Variants in ASIC2 observed in about 807,000 individuals in gnomAD.
ASIC2 encodes acid-sensing ion channel 2.
ASIC2 carries 25 observed loss-of-function variants against 57.3 expected under a neutral mutation model. That is an observed-to-expected ratio of 0.44 (90% CI 0.32 to 0.61). The LOEUF (loss-of-function observed/expected upper bound fraction) is 0.61, where lower values mean the gene tolerates loss of function less well. Ranked by LOEUF, ASIC2 falls within the 20% of genes least tolerant of loss-of-function variation. The pLI, the probability that ASIC2 is intolerant of heterozygous loss-of-function variation, is 0.06. For missense variants in ASIC2, 641 were observed against 738.1 expected (o/e 0.87, Z 1.52); for synonymous variants, 319 against 307.5 (o/e 1.04, Z -0.39).
chr17:33,145,579 C>A (rs1043368877), intron 1 of ASIC2, among the ~76,000 whole-genome samples: 2 of 152,194 alleles, frequency 1.3e-5, no homozygotes, highest in African/African-American at 2.4e-5. Flanking sequence ...ATATTTCCAA[C>A]ATTAAATAGC....
At chr17:33,378,669 G>A (rs1223557747) in intron 1 of ASIC2, among the ~76,000 whole-genome samples, 1 of 152,270 alleles carries the variant, frequency 6.6e-6, no homozygotes, top group Non-Finnish European at 1.5e-5. Context: ...AAAGATGCCA[G>A]TGATTGGAAA....
intron 1 of ASIC2, among the ~76,000 whole-genome samples, chr17:34,075,543 AAGGG>A (rs950450245): frequency 2.0e-5 from 3 of 152,172 alleles, no homozygotes; most frequent in Non-Finnish European, 2.9e-5. Flanking sequence ...GGAGGAAGGG[AAGGG>A]AGGAAGTGAG....
chr17:33,702,579 C>T (rs552339453), intron 1 of ASIC2, among the ~76,000 whole-genome samples: 20 of 152,140 alleles, frequency 1.3e-4, no homozygotes, highest in Middle Eastern at 3.4e-3. Context: ...GGCCTTGCCC[C>T]GAGGGAGGAA....
At chr17:33,962,569 T>C (rs572260373) in intron 1 of ASIC2, among the ~76,000 whole-genome samples, 1 of 152,100 alleles carries the variant, frequency 6.6e-6, no homozygotes, top group East Asian at 1.9e-4. Context: ...TCTTCTGTTA[T>C]CATTTCGGGT....
At chr17:33,664,457 G>A (rs773256639) in intron 1 of ASIC2, among the ~76,000 whole-genome samples, 3 of 152,188 alleles carry the variant, frequency 2.0e-5, no homozygotes, top group Non-Finnish European at 4.4e-5. Context: ...AGTTTCCAAA[G>A]TGGAGTATAC....
chr17:33,242,559 C>T (rs910499001), intron 1 of ASIC2, among the ~76,000 whole-genome samples: 1 of 152,088 alleles, frequency 6.6e-6, no homozygotes, highest in African/African-American at 2.4e-5. Flanking sequence ...GGATTTAAAC[C>T]CAGTCTGTGT....
At chr17:33,861,972 T>G (rs945111135) in intron 1 of ASIC2, among the ~76,000 whole-genome samples, 1 of 152,190 alleles carries the variant, frequency 6.6e-6, no homozygotes, top group Non-Finnish European at 1.5e-5. Flanking sequence ...ACCTTTCTGG[T>G]CCCTCCTGCA....
chr17:33,085,679 A>G (rs2092131597), intron 3 of ASIC2, among the ~76,000 whole-genome samples: 1 of 152,254 alleles, frequency 6.6e-6, no homozygotes, highest in Non-Finnish European at 1.5e-5. Context: ...CAAAGCCACA[A>G]CATGAAAGAG....
At chr17:33,337,740 T>C (rs1342793151) in intron 1 of ASIC2, among the ~76,000 whole-genome samples, 1 of 152,066 alleles carries the variant, frequency 6.6e-6, no homozygotes, top group Non-Finnish European at 1.5e-5. Flanking sequence ...TGAGGTGTTC[T>C]GGAAGGGCAA....
intron 1 of ASIC2, among the ~76,000 whole-genome samples, chr17:33,741,476 C>T (rs141513887): frequency 1.3e-5 from 2 of 152,314 alleles, no homozygotes; most frequent in African/African-American, 4.8e-5. Context: ...CTTTGGGCCT[C>T]TTCCCTGCTG....
intron 1 of ASIC2, among the ~76,000 whole-genome samples, chr17:33,741,046 G>A (rs923418021): frequency 3.3e-5 from 5 of 152,158 alleles, no homozygotes; most frequent in Admixed American, 6.5e-5. Context: ...CAGGGAAGGT[G>A]CTTGCTCAGG....
intron 1 of ASIC2, among the ~76,000 whole-genome samples, chr17:33,845,784 T>C (rs578071984): frequency 6.6e-6 from 1 of 152,260 alleles, no homozygotes; most frequent in East Asian, 1.9e-4. Context: ...TATCTTATCG[T>C]ATATTGTGAC....
chr17:33,088,048 G>A (rs60433426), intron 3 of ASIC2, among the ~76,000 whole-genome samples: 1 of 152,234 alleles, frequency 6.6e-6, no homozygotes, highest in African/African-American at 2.4e-5. Context: ...CCCCAGAGCA[G>A]GTGCCTTCAC....
intron 1 of ASIC2, among the ~76,000 whole-genome samples, chr17:33,285,111 G>A (rs961624363): frequency 6.6e-6 from 1 of 152,200 alleles, no homozygotes; most frequent in Admixed American, 6.5e-5. Flanking sequence ...CAACCGACCC[G>A]CGAAGCAAAT....
intron 1 of ASIC2, among the ~76,000 whole-genome samples, chr17:33,551,140 A>C (rs1915739251): frequency 1.3e-5 from 2 of 152,266 alleles, no homozygotes; most frequent in Non-Finnish European, 2.9e-5. Context: ...AACCTACTAC[A>C]CAAAATAATT....
intron 1 of ASIC2, among the ~76,000 whole-genome samples, chr17:33,869,332 TG>T (rs776738552): frequency 1.3e-5 from 2 of 152,156 alleles, no homozygotes; most frequent in African/African-American, 2.4e-5. Context: ...ATGGCACAAG[TG>T]TTTAGAAAAT....
intron 1 of ASIC2, among the ~76,000 whole-genome samples, chr17:34,154,451 C>T (rs928593381): frequency 6.6e-6 from 1 of 152,170 alleles, no homozygotes; most frequent in Non-Finnish European, 1.5e-5. Flanking sequence ...CCTCACAAGG[C>T]TTAAAAGGGA....
At chr17:33,906,715 ACT>A (rs1289938461) in intron 1 of ASIC2, among the ~76,000 whole-genome samples, 2 of 152,006 alleles carry the variant, frequency 1.3e-5, no homozygotes, top group Non-Finnish European at 1.5e-5. Context: ...ATCTTATAGG[ACT>A]CTCTACATTT....
Position 33,291,603 on chromosome 17 carries a change from G to A in ASIC2, c.513C>T (p.Val171=). Residue 171 remains valine, a synonymous_variant, in exon 1 of 10, where the codon GTC becomes GTT. Coordinates refer to ENST00000225823, the MANE Select transcript of ASIC2 (RefSeq NM_183377.2). ...GCTCGTCGCCCCGCAGCAGCTCGCT[G>A]ACAAGCGGGCGCGCGGTGCGGTTGG... ...LLPNRTARPL[V]SELLRGDEPR... is the part of the protein sequence containing the mutation. 1.9e-6 allele frequency: 3 copies of A among 1,608,258 alleles called. No individual in the cohort carries two copies. Among genetic ancestry groups the A allele is most frequent in the Non-Finnish European group, 2.5e-6 (3 of 1,178,198 alleles).
Sources: allele counts gnomAD v4.1 joint callset (sites outside exome capture counted in the v4.1 genomes callset), GRCh38; gene constraint gnomAD v4.1.1; transcripts MANE v1.5; gene names NCBI Gene and HGNC (gene_info 2026-07-23, HGNC 2026-07-21).